Variants in ERICH3 observed in about 807,000 individuals in gnomAD.
ERICH3 encodes glutamate-rich protein 3.
In ERICH3, 126 loss-of-function variants were observed where a neutral mutation model predicts 131.1. The observed-to-expected ratio is 0.96, with a 90% CI of 0.83 to 1.11. The LOEUF is 1.11. Among genes scored for constraint, ERICH3 ranks in the 50% most tolerant of loss-of-function variants. The pLI is 0.00. For synonymous variants in ERICH3, 695 were observed against 644.6 expected (o/e 1.08, Z -1.18); for missense variants, 2,050 against 1,810.7 (o/e 1.13, Z -2.40).
rs59053103 is a variant in ERICH3, at chr1:74,644,132, C to T, written c.244-1034G>A. Among the ~76,000 whole-genome samples the T allele has an allele frequency of 2.9e-3, 446 of 152,030 alleles. 2 individuals are homozygous for T. Among genetic ancestry groups the T allele is most frequent in the African/African-American group, 0.01 (424 of 41,482 alleles). Reference sequence around the variant, plus strand: ...TCATTGGCCCTTTGAAAAAATGTTTCCCCTCTGTTCTTGGTTCCCTCCTGC... The same window carrying T: ...TCATTGGCCCTTTGAAAAAATGTTTTCCCTCTGTTCTTGGTTCCCTCCTGC... On this transcript the variant is annotated intron_variant, in intron 3 of 14. Coordinates refer to ENST00000326665, the MANE Select transcript of ERICH3 (RefSeq NM_001002912.5).
chr1:74,591,902 T>C (rs696692), intron 11 of ERICH3: 105,484 of 152,002 alleles, frequency 0.69, 37,753 homozygotes, highest in African/African-American at 0.88. Context: ...ACTCTTTTTT[T>C]TGTTTCTTTA....
intron 1 of ERICH3, among the ~76,000 whole-genome samples, chr1:74,656,282 T>C (rs1258405800): frequency 6.6e-6 from 1 of 152,146 alleles, no homozygotes; most frequent in Non-Finnish European, 1.5e-5. Flanking sequence ...GCACTCTCCA[T>C]CTAGGTTGCC....
At chr1:74,634,674 C>T (rs2100626982) in intron 6 of ERICH3, 1 of 714,676 alleles carries the variant, frequency 1.4e-6, no homozygotes, top group African/African-American at 1.7e-5. Context: ...CCTTGGCAAG[C>T]ATGGAAAGCA....
chr1:74,574,240 C>T (rs1203585746), intron 13 of ERICH3, among the ~76,000 whole-genome samples: 2 of 152,018 alleles, frequency 1.3e-5, no homozygotes, highest in Non-Finnish European at 1.5e-5. Flanking sequence ...GGATCTCAAA[C>T]TCCCAAAGTG....
intron 12 of ERICH3, among the ~76,000 whole-genome samples, chr1:74,580,929 C>T (rs1647166131): frequency 6.6e-6 from 1 of 152,138 alleles, no homozygotes; most frequent in South Asian, 2.1e-4. Flanking sequence ...TTTCACTTTC[C>T]CCGCCTGGTA....
chr1:74,671,221 A>G (rs905111353), intron 1 of ERICH3, among the ~76,000 whole-genome samples: 3 of 109,654 alleles, frequency 2.7e-5, no homozygotes, highest in African/African-American at 9.2e-5. Context: ...TTACCTTGTG[A>G]TCTTTGTTGG....
At chr1:74,591,700 C>T (rs906614484) in intron 11 of ERICH3, among the ~76,000 whole-genome samples, 6 of 152,034 alleles carry the variant, frequency 3.9e-5, no homozygotes, top group Non-Finnish European at 7.4e-5. Context: ...CAGTAAAGTA[C>T]CATACACACT....
At chr1:74,598,089 C>A (rs1647941585) in intron 11 of ERICH3, among the ~76,000 whole-genome samples, 1 of 151,964 alleles carries the variant, frequency 6.6e-6, no homozygotes, top group Admixed American at 6.6e-5. Flanking sequence ...TGAAAGTCTA[C>A]CTACTGCTGT....
rs771131275 is a variant in ERICH3 at position 74,572,654 on chromosome 1, GC to G, written c.3055del (p.Ala1019GlnfsTer17). ...SEGSPEEGSLAKEAFLCKEDV... is the reference protein window; with the variant it reads ...SEGSPEEGSLXKEAFLCKEDV... ...TTCCTTGCAAAGGAAGGCTTCCTTTGCAAGGCTTCCTTCCTCAGGGCTGCCC... is the reference window on the plus strand; with the variant it reads ...TTCCTTGCAAAGGAAGGCTTCCTTTGAAGGCTTCCTTCCTCAGGGCTGCCC... On this transcript the variant is annotated frameshift_variant, in exon 14 of 15. Transcript: ENST00000326665. LOFTEE classifies it high-confidence loss of function. 5 of 1,613,742 alleles carry G rather than the reference GC, an allele frequency of 3.1e-6. No homozygotes were observed. Among genetic ancestry groups the G allele is most frequent in the Non-Finnish European group, 4.2e-6 (5 of 1,179,940 alleles).
rs61104604 is a variant in ERICH3 at position 74,643,832 on chromosome 1, C to T, written c.244-734G>A. On this transcript the variant is annotated intron_variant, in intron 3 of 14. Transcript: ENST00000326665. ...TATCTGACACTAGCTTCCTGTTTTTCGCTTGTTTTTTCACAAAACCTTGTT... is the reference window on the plus strand; with the variant it reads ...TATCTGACACTAGCTTCCTGTTTTTTGCTTGTTTTTTCACAAAACCTTGTT... Among the ~76,000 whole-genome samples the T allele has an allele frequency of 2.9e-3, 443 of 152,112 alleles. 2 individuals carry two copies. The highest frequency in any genetic ancestry group is 0.01 in the African/African-American group (423 of 41,522).
At chr1:74,643,126 A>G in intron 3 of ERICH3, 28 bp from the exon 4 acceptor site, 1 of 1,561,156 alleles carries the variant, frequency 6.4e-7, no homozygotes, top group East Asian at 2.3e-5. Flanking sequence ...AATAAAGGAG[A>G]GAATCATATC....
intron 11 of ERICH3, among the ~76,000 whole-genome samples, chr1:74,595,658 T>C (rs762936395): frequency 3.3e-5 from 5 of 152,124 alleles, no homozygotes; most frequent in African/African-American, 4.8e-5. Flanking sequence ...TCACAAGAGT[T>C]CACTGAGTGT....
intron 2 of ERICH3, among the ~76,000 whole-genome samples, chr1:74,648,599 A>G (rs1316420588): frequency 6.6e-6 from 1 of 152,126 alleles, no homozygotes; most frequent in African/African-American, 2.4e-5. Context: ...AAGGAAACCC[A>G]TTGTGTTTTA....
chr1:74,659,263 T>C (rs996187140), intron 1 of ERICH3, among the ~76,000 whole-genome samples: 4 of 152,158 alleles, frequency 2.6e-5, no homozygotes, highest in Non-Finnish European at 5.9e-5. Context: ...TGCCTATCTT[T>C]ACACTGTCCT....
Position 74,571,420 on chromosome 1 carries a change from C to G in ERICH3, c.4290G>C (p.Gly1430=), listed in dbSNP as rs776953326. The change falls in exon 14 of 15, where the codon GGG becomes GGC. Residue 1430 remains glycine, a synonymous_variant. Transcript: ENST00000326665. ...GCTCCAGGGCTCCTGGAGTGCCCACCCCAGCCTCTGTTGTATATGTCACTG... is the reference window on the plus strand; with the variant it reads ...GCTCCAGGGCTCCTGGAGTGCCCACGCCAGCCTCTGTTGTATATGTCACTG... ...EMTVTYTTEA[G]VGTPGALERK... 2 of 1,613,992 alleles carry G rather than the reference C, an allele frequency of 1.2e-6. No homozygotes were observed. Among genetic ancestry groups the G allele is most frequent in the Non-Finnish European group, 8.5e-7 (1 of 1,180,006 alleles).
chr1:74,619,483 GGT>G (rs988996312), intron 8 of ERICH3, among the ~76,000 whole-genome samples: 48 of 152,042 alleles, frequency 3.2e-4, no homozygotes, highest in African/African-American at 1.1e-3. Flanking sequence ...TATCATTAGG[GGT>G]TTCATCCCAC....
chr1:74,666,609 G>A (rs1425280185), intron 1 of ERICH3, among the ~76,000 whole-genome samples: 1 of 152,134 alleles, frequency 6.6e-6, no homozygotes, highest in Admixed American at 6.5e-5. Context: ...GTCAATGAAG[G>A]ATGTGTTTCT....
In ERICH3 at chr1:74,599,815, C is replaced by CT; in HGVS notation, c.1605dup (p.Asp536ArgfsTer2). On this transcript the variant is annotated frameshift_variant, in exon 11 of 15. Transcript: ENST00000326665. LOFTEE classifies it high-confidence loss of function. ...CTCTCTTTTTCAGGGTCTAAATTAT[C>CT]TTTTTTATCATCCAAAGGTGACTGC... 6.2e-7 allele frequency: 1 copy of CT among 1,612,306 alleles called. No individual in the cohort carries two copies. The highest frequency in any genetic ancestry group is 8.5e-7 in the Non-Finnish European group (1 of 1,178,890).
chr1:74,606,472 CA>C (rs1424352189), intron 10 of ERICH3, 128 bp downstream of exon 10: 11 of 935,474 alleles, frequency 1.2e-5, no homozygotes, highest in African/African-American at 8.3e-5. Flanking sequence ...GGAAGGAGGT[CA>C]GGGGCACCCC....
Sources: gnomAD v4.1 joint callset for allele counts (sites outside exome capture counted in the v4.1 genomes callset) on GRCh38, gnomAD v4.1.1 for gene constraint, MANE v1.5 for transcripts, NCBI Gene and HGNC (gene_info 2026-07-23, HGNC 2026-07-21) for gene names.